SLC37A2: variants seen among roughly 807,000 people sequenced by gnomAD.
SLC37A2 encodes the protein glucose-6-phosphate exchanger SLC37A2.
A neutral mutation model predicts 70.7 loss-of-function variants in SLC37A2; 59 were observed. The observed-to-expected ratio is 0.83, with a 90% CI of 0.68 to 1.04. The LOEUF is 1.04. SLC37A2 is among the 50% of genes least tolerant of loss of function. SLC37A2 has a pLI of 0.00. For synonymous variants in SLC37A2, 257 were observed against 262.1 expected, an observed-to-expected ratio of 0.98 and a Z score of 0.19; for missense variants, 580 against 658.1, an observed-to-expected ratio of 0.88 and a Z score of 1.30.
chr11:125,076,341 C>T (rs907162445), intron 1 of SLC37A2, among the ~76,000 whole-genome samples: 6 of 152,098 alleles, frequency 3.9e-5, no homozygotes, highest in Admixed American at 6.5e-5. Flanking sequence ...ACCCTTCTCC[C>T]GACTGTCTCC....
rs372324419 is a variant in SLC37A2 at position 125,063,458 on chromosome 11, G to A, written c.59+32G>A. 1.4e-5 allele frequency: 23 copies of A among 1,596,348 alleles called. No homozygotes were observed. The African/African-American group carries it at 2.8e-4, about 20-fold the overall frequency. ...GGGGCAGGGGAGGGAGGCGTGCCGG[G>A]ACCTCCTGGGCTCGGGGCTTGCAGG... On this transcript the variant is annotated intron_variant, in intron 1 of 17. Transcript: ENST00000403796. The surrounding 1 kb of genome is among the most constrained non-coding windows in gnomAD (Gnocchi z 5.4).
In SLC37A2 at chr11:125,075,702, T is replaced by G. The variant is rs183692599; in HGVS notation, c.60-1055T>G. Among the ~76,000 whole-genome samples the G allele has an allele frequency of 1.6e-4, 24 of 152,222 alleles. No individual in the cohort carries two copies. The East Asian group carries it at 4.3e-3, about 27-fold the overall frequency. Reference sequence around the variant, plus strand: ...CTGAAATGCCCCTTTGTTTCCCAAGTGGTAGTGGGTGTTGCTTCATGCCAC... The same window carrying G: ...CTGAAATGCCCCTTTGTTTCCCAAGGGGTAGTGGGTGTTGCTTCATGCCAC... On this transcript the variant is annotated intron_variant, in intron 1 of 17. Transcript: ENST00000403796.
At chr11:125,072,011 A>T (rs1339555022) in intron 1 of SLC37A2, among the ~76,000 whole-genome samples, 2 of 151,872 alleles carry the variant, frequency 1.3e-5, no homozygotes, top group African/African-American at 4.8e-5. Flanking sequence ...CTGCAGCCAC[A>T]GCCAGCCTAG....
Position 125,088,990 on chromosome 11 carries a change from G to A in SLC37A2, c.*856G>A, listed in dbSNP as rs1412625231. 1.3e-5 allele frequency: 2 copies of A among 152,238 alleles called. No homozygotes were observed. The highest frequency in any genetic ancestry group is 4.8e-5 in the African/African-American group (2 of 41,422). The allele number at this position is 152,238 out of a possible 1,614,324, so 9.4% of individuals were successfully genotyped here. ...ATGGAGTAGACAGTGGACACAAGAA[G>A]GACTTACGCCCTGAGCACAGGTGCC... On this transcript the variant is annotated 3_prime_UTR_variant, in exon 18 of 18. Coordinates refer to ENST00000403796, the MANE Select transcript of SLC37A2 (RefSeq NM_001145290.2).
intron 16 of SLC37A2, 87 bp downstream of exon 16, chr11:125,085,761 T>C (rs1269322319): frequency 2.0e-6 from 3 of 1,469,352 alleles, no homozygotes; most frequent in East Asian, 2.3e-5. Context: ...CGTTGGCCAT[T>C]TGGGGTTCTG....
chr11:125,081,202 C>T (rs1204404228), intron 7 of SLC37A2, among the ~76,000 whole-genome samples: 1 of 152,104 alleles, frequency 6.6e-6, no homozygotes, highest in Non-Finnish European at 1.5e-5. Flanking sequence ...GCAGTAGTGA[C>T]ACTGCTGGTT....
intron 1 of SLC37A2, among the ~76,000 whole-genome samples, chr11:125,070,708 T>A (rs1346506181): frequency 6.6e-6 from 1 of 152,184 alleles, no homozygotes; most frequent in Non-Finnish European, 1.5e-5. Context: ...GGGGAGAACC[T>A]GGAGTCTCAG....
At position 125,085,197 on chromosome 11, in the gene SLC37A2, C is replaced by T. The variant is rs1949194530; in HGVS notation, c.1248+58C>T. ...CGTTCTGGGGGCTTGGTCAGGGCCA[C>T]CATCTCCAGGTCCATTTCTCCCTGT... On this transcript the variant is annotated intron_variant, in intron 14 of 17. Coordinates refer to ENST00000403796, the MANE Select transcript of SLC37A2 (RefSeq NM_001145290.2). The T allele has an allele frequency of 5.9e-6, 9 of 1,523,504 alleles. 1 individual carries two copies. In the East Asian group the frequency reaches 2.0e-4, roughly 34 times the overall value. The allele number at this position is 1,523,504 out of a possible 1,614,324, so 94.4% of individuals were successfully genotyped here.
In SLC37A2 at chr11:125,063,409, C is replaced by G; in HGVS notation, c.42C>G (p.Ala14=). The change falls in exon 1 of 18, where the codon GCC becomes GCG. Residue 14 remains alanine, a synonymous_variant. Transcript: ENST00000403796. This position sits in a 1 kb window ranked among gnomAD's most constrained non-coding sequence, Gnocchi z 5.4. ...SLAPGVWFFR[A]FSRDSWFRGL... is the part of the protein sequence containing the mutation. ...CTCCGGGAGTCTGGTTCTTCCGGGC[C>G]TTCTCCAGGGACAGCTGGTGAGCGG... The G allele has an allele frequency of 6.2e-7, 1 of 1,611,904 alleles. No individual in the cohort carries two copies. Among genetic ancestry groups the G allele is most frequent in the Non-Finnish European group, 8.5e-7 (1 of 1,179,232 alleles).
At chr11:125,085,260 A>G in intron 14 of SLC37A2, 121 bp downstream of exon 14, 1 of 1,283,818 alleles carries the variant, frequency 7.8e-7, no homozygotes, top group Non-Finnish European at 1.1e-6. Flanking sequence ...AAAGTCCTTC[A>G]GAACGCACCA....
chr11:125,081,538 A>AGAGCAGGGAGTTCTGGCCCTCACT (rs1479648190), intron 8 of SLC37A2, 80 bp downstream of exon 8: 9 of 1,504,904 alleles, frequency 6.0e-6, no homozygotes, highest in Non-Finnish European at 7.2e-6. Flanking sequence ...CTGGGGAGCT[A>AGAGCAGGGAGTTCTGGCCCTCACT]GAGCAGGGAG....
intron 2 of SLC37A2, among the ~76,000 whole-genome samples, 166 bp downstream of exon 2, chr11:125,077,004 C>T (rs958986087): frequency 6.6e-6 from 1 of 152,176 alleles, no homozygotes; most frequent in South Asian, 2.1e-4. Context: ...ACAGCTGTGT[C>T]GGTGGCTGTG....
At chr11:125,073,101 G>A (rs1454377457) in intron 1 of SLC37A2, among the ~76,000 whole-genome samples, 1 of 152,174 alleles carries the variant, frequency 6.6e-6, no homozygotes, top group Non-Finnish European at 1.5e-5. Flanking sequence ...GAGCTGGCGG[G>A]GACATCAGGC....
intron 1 of SLC37A2, among the ~76,000 whole-genome samples, chr11:125,068,462 T>TTC (rs1266966601): frequency 6.6e-6 from 1 of 152,184 alleles, no homozygotes. Flanking sequence ...CAAGACAGGG[T>TTC]TCTACCTTCT....
At chr11:125,066,624 C>T (rs572286612) in intron 1 of SLC37A2, among the ~76,000 whole-genome samples, 6 of 151,866 alleles carry the variant, frequency 4.0e-5, no homozygotes, top group African/African-American at 1.4e-4. Context: ...CTGTGGTGTG[C>T]AAAACAAAAA....
intron 7 of SLC37A2, 82 bp from the exon 8 acceptor site, chr11:125,081,339 G>A (rs1949145433): frequency 7.2e-7 from 1 of 1,380,242 alleles, no homozygotes; most frequent in Non-Finnish European, 9.9e-7. Flanking sequence ...TAGATCCAGT[G>A]CAAGGTGAGG....
chr11:125,070,670 C>A (rs2135560954), intron 1 of SLC37A2, among the ~76,000 whole-genome samples: 1 of 152,292 alleles, frequency 6.6e-6, no homozygotes. Context: ...TGGGAAGAGG[C>A]TGCTTGGAAA....
Position 125,077,482 on chromosome 11 carries a change from G to A in SLC37A2, c.268G>A (p.Val90Met), listed in dbSNP as rs775740417. The A allele has an allele frequency of 2.7e-5, 44 of 1,613,884 alleles. No homozygotes were observed. Among genetic ancestry groups the A allele is most frequent in the African/African-American group, 8.0e-5 (6 of 75,044 alleles). Residue 90 changes from valine (V) to methionine (M), a missense_variant, in exon 4 of 18, where the codon GTG becomes ATG. By Grantham distance (21) the Val-to-Met change is conservative. Coordinates refer to ENST00000403796, the MANE Select transcript of SLC37A2 (RefSeq NM_001145290.2). The part of the protein sequence containing the change: ...KDNYKELLGG[V>M]DNAFLIAYAI... ...CAACTATAAGGAGTTACTAGGGGGCGTGGACAACGCCTTCCTCATCGCCTA... is the reference window on the plus strand; with the variant it reads ...CAACTATAAGGAGTTACTAGGGGGCATGGACAACGCCTTCCTCATCGCCTA...
At chr11:125,065,422 A>G (rs535717006) in intron 1 of SLC37A2, among the ~76,000 whole-genome samples, 21 of 152,272 alleles carry the variant, frequency 1.4e-4, no homozygotes, top group African/African-American at 4.6e-4. Flanking sequence ...TTAATTATTT[A>G]TTGTCCTGAC....
Sources: allele counts gnomAD v4.1 joint callset (sites outside exome capture counted in the v4.1 genomes callset), GRCh38; gene constraint gnomAD v4.1.1; non-coding constraint Gnocchi (gnomAD v3.1); transcripts MANE v1.5; gene names NCBI Gene and HGNC (gene_info 2026-07-23, HGNC 2026-07-21).